The following CACNA1E variants were observed in gnomAD, a reference collection of about 807,000 sequenced individuals.
The protein encoded by CACNA1E is calcium voltage-gated channel subunit alpha1 E, also known as voltage-dependent R-type calcium channel subunit alpha-1E.
In CACNA1E, 40 loss-of-function variants were observed where a neutral mutation model predicts 259.2. The observed-to-expected ratio is 0.15, with a 90% CI of 0.12 to 0.20. The LOEUF is 0.20. Ranked by LOEUF, CACNA1E falls within the 10% of genes least tolerant of loss-of-function variation. The probability of loss-of-function intolerance (pLI) is 1.00; values close to 1 mark genes in which losing one functional copy is unlikely to be tolerated. For synonymous variants in CACNA1E, 1,104 were observed against 1,138.5 expected, an observed-to-expected ratio of 0.97 and a Z score of 0.61; for missense variants, 1,874 against 3,040.1, an observed-to-expected ratio of 0.62 and a Z score of 9.02.
At chr1:181,695,306 A>G (rs113504397) in intron 7 of CACNA1E, among the ~76,000 whole-genome samples, 140 of 152,346 alleles carry the variant, frequency 9.2e-4, no homozygotes, top group African/African-American at 3.3e-3. Context: ...TTATCTCTAA[A>G]TCAATATGGA....
At chr1:181,527,431 C>T (rs891828850) in intron 3 of CACNA1E, among the ~76,000 whole-genome samples, 6 of 152,232 alleles carry the variant, frequency 3.9e-5, no homozygotes, top group African/African-American at 1.4e-4. Flanking sequence ...CACAAACATT[C>T]AGTCTATTAC....
intron 3 of CACNA1E, among the ~76,000 whole-genome samples, chr1:181,573,541 C>G (rs535942166): frequency 2.9e-4 from 44 of 152,300 alleles, no homozygotes; most frequent in Non-Finnish European, 5.9e-4. Flanking sequence ...GAAGATCCCA[C>G]GGGACAGGAT....
At chr1:181,787,151 G>T (rs1660915893) in intron 43 of CACNA1E, among the ~76,000 whole-genome samples, 1 of 151,914 alleles carries the variant, frequency 6.6e-6, no homozygotes, top group Admixed American at 6.6e-5. Flanking sequence ...ACGGAGTCTC[G>T]CTCTGTTGCC....
intron 1 of CACNA1E, among the ~76,000 whole-genome samples, chr1:181,360,232 C>T (rs554089619): frequency 2.0e-4 from 31 of 152,312 alleles, no homozygotes; most frequent in African/African-American, 6.3e-4. Flanking sequence ...TATGACCCAG[C>T]ACTTCCACTC....
rs538965412 is a variant in CACNA1E at position 181,717,136 on chromosome 1, C to T, written c.1359C>T (p.Asp453=). The part of the protein sequence containing the change: ...ARASIKSAKV[D]GVSYFRHKER... ...CCAGTATCAAAAGTGCAAAGGTAGA[C>T]GGGGTCTCTTATTTCCGGCACAAGG... Residue 453 remains aspartate (D), a synonymous_variant, in exon 11 of 48, where the codon GAC becomes GAT. Coordinates refer to ENST00000367573, the MANE Select transcript of CACNA1E (RefSeq NM_001205293.3). 1.1e-5 allele frequency: 18 copies of T among 1,614,036 alleles called. No homozygotes were observed. Among genetic ancestry groups the T allele is most frequent in the South Asian group, 3.3e-5 (3 of 91,086 alleles).
At chr1:181,652,897 T>C (rs372453532) in intron 7 of CACNA1E, among the ~76,000 whole-genome samples, 5 of 152,004 alleles carry the variant, frequency 3.3e-5, no homozygotes, top group African/African-American at 1.2e-4. Flanking sequence ...GAGGGCTAAA[T>C]GAAAGTCTAC....
chr1:181,739,021 C>T, intron 24 of CACNA1E, 126 bp from the exon 25 acceptor site: 2 of 731,220 alleles, frequency 2.7e-6, no homozygotes, highest in South Asian at 1.5e-5. Flanking sequence ...TCTCATTCTC[C>T]AGGTCCTAGC....
At chr1:181,738,699 C>T (rs1656287146) in intron 24 of CACNA1E, among the ~76,000 whole-genome samples, 1 of 152,224 alleles carries the variant, frequency 6.6e-6, no homozygotes, top group African/African-American at 2.4e-5. Context: ...GGCCTGCACT[C>T]CCCTCCCCAG....
chr1:181,401,803 T>C (rs766360077), intron 1 of CACNA1E, among the ~76,000 whole-genome samples: 4 of 152,206 alleles, frequency 2.6e-5, no homozygotes, highest in Non-Finnish European at 5.9e-5. Flanking sequence ...TTTGAAGCAT[T>C]GGATCTTTCT....
intron 7 of CACNA1E, among the ~76,000 whole-genome samples, chr1:181,652,461 A>T (rs1193539887): frequency 6.6e-6 from 1 of 152,248 alleles, no homozygotes; most frequent in Non-Finnish European, 1.5e-5. Flanking sequence ...GGACAAAGAG[A>T]ACAAGAGGAA....
intron 1 of CACNA1E, among the ~76,000 whole-genome samples, chr1:181,333,935 C>T (rs572252356): frequency 2.0e-5 from 3 of 152,320 alleles, no homozygotes; most frequent in East Asian, 1.9e-4. Context: ...GATTTACAGG[C>T]GTGAGCCACT....
intron 6 of CACNA1E, among the ~76,000 whole-genome samples, chr1:181,599,843 T>C (rs956198541): frequency 3.9e-5 from 6 of 152,252 alleles, no homozygotes; most frequent in African/African-American, 1.4e-4. Flanking sequence ...ATTGCATTTT[T>C]TTAATTCAAC....
chr1:181,379,835 C>A (rs146240210), intron 1 of CACNA1E, among the ~76,000 whole-genome samples: 1 of 151,728 alleles, frequency 6.6e-6, no homozygotes, highest in Non-Finnish European at 1.5e-5. Context: ...TCTTAAAAGC[C>A]GCCAGAGAAA....
chr1:181,793,021 TTAAA>T, intron 44 of CACNA1E, among the ~76,000 whole-genome samples: 1 of 152,380 alleles, frequency 6.6e-6, no homozygotes, highest in African/African-American at 2.4e-5. Context: ...TTCAGCTAAA[TTAAA>T]TGTTATTAAA....
intron 34 of CACNA1E, among the ~76,000 whole-genome samples, chr1:181,763,985 A>G (rs939837454): frequency 2.0e-5 from 3 of 152,122 alleles, no homozygotes; most frequent in African/African-American, 7.2e-5. Flanking sequence ...TTTCATAGAG[A>G]GATGATTCAT....
chr1:181,406,651 C>T lies in CACNA1E; in HGVS notation c.-14-6482C>T, dbSNP rs1307666367. Among the ~76,000 whole-genome samples, 3 of 152,250 alleles carry T rather than the reference C, an allele frequency of 2.0e-5. No individual in the cohort carries two copies. The East Asian group carries it at 5.8e-4, about 29-fold the overall frequency. Reference sequence around the variant, plus strand: ...GACTTTTTGATCCACCCGCCTCAGCCTCCCAAAGTGGATGTATCTACTTTA... The same window carrying T: ...GACTTTTTGATCCACCCGCCTCAGCTTCCCAAAGTGGATGTATCTACTTTA... On this transcript the variant is annotated intron_variant, in intron 1 of 11. Coordinates refer to the CACNA1E transcript ENST00000524607.
intron 39 of CACNA1E, among the ~76,000 whole-genome samples, chr1:181,782,877 G>A (rs887704657): frequency 4.6e-5 from 7 of 152,212 alleles, no homozygotes; most frequent in Admixed American, 1.3e-4. Flanking sequence ...GAGAAGGGGA[G>A]CGGGGATTGG....
chr1:181,627,198 T>G (rs1656279341), intron 6 of CACNA1E, among the ~76,000 whole-genome samples: 1 of 152,228 alleles, frequency 6.6e-6, no homozygotes, highest in Non-Finnish European at 1.5e-5. Flanking sequence ...TCCATTTCAT[T>G]CAATAAATAT....
chr1:181,563,107 C>T (rs1649482837), intron 3 of CACNA1E, among the ~76,000 whole-genome samples: 1 of 152,148 alleles, frequency 6.6e-6, no homozygotes, highest in South Asian at 2.1e-4. Context: ...CATTTTGATG[C>T]TCGACAGACA....
Sources: allele counts gnomAD v4.1 joint callset (sites outside exome capture counted in the v4.1 genomes callset), GRCh38; gene constraint gnomAD v4.1.1; transcripts MANE v1.5; gene names NCBI Gene and HGNC (gene_info 2026-07-23, HGNC 2026-07-21).